GINS2: variants seen among roughly 807,000 people sequenced by gnomAD.
GINS2 encodes the protein DNA replication complex GINS protein PSF2.
A neutral mutation model predicts 21.2 loss-of-function variants in GINS2; 23 were observed. The observed-to-expected ratio is 1.08, with a 90% CI of 0.78 to 1.53. The LOEUF (loss-of-function observed/expected upper bound fraction) is 1.53, where lower values mean the gene tolerates loss of function less well. GINS2 is among the 40% of genes most tolerant of loss of function. The pLI, the probability that GINS2 is intolerant of heterozygous loss-of-function variation, is 0.00. For synonymous variants in GINS2, 118 were observed against 85.6 expected (o/e 1.38, Z -2.09); for missense variants, 323 against 233.9 (o/e 1.38, Z -2.49).
In GINS2 at chr16:85,677,532, GAGA is replaced by G. The variant is rs1351901174; in HGVS notation, c.*677_*679del. ...TTAAACCTGAGCTAGAAGTAGCCAAGAGAAGGAGACACCCCAGGTGTTGGTCTG... is the reference window on the plus strand; with the variant it reads ...TTAAACCTGAGCTAGAAGTAGCCAAGAGGAGACACCCCAGGTGTTGGTCTG... On this transcript the variant is annotated 3_prime_UTR_variant, in exon 5 of 5. Coordinates refer to ENST00000253462, the MANE Select transcript of GINS2 (RefSeq NM_016095.3). 6.6e-6 allele frequency: 1 copy of G among 152,230 alleles called. No individual in the cohort carries two copies. The highest frequency in any genetic ancestry group is 1.5e-5 in the Non-Finnish European group (1 of 68,066). 9.4% of individuals were successfully genotyped at this position (152,230 alleles called of 1,614,324 possible).
chr16:85,685,685 A>AAAAAAAAAAAAAAACAAAAAAC (rs56405044), intron 2 of GINS2, among the ~76,000 whole-genome samples: 3 of 120,900 alleles, frequency 2.5e-5, no homozygotes, highest in African/African-American at 5.3e-5. Flanking sequence ...AAAAAAAAAA[A>AAAAAAAAAAAAAAACAAAAAAC]AAAAAACCGT....
intron 2 of GINS2, among the ~76,000 whole-genome samples, chr16:85,686,151 C>T (rs950351482): frequency 7.9e-5 from 12 of 152,098 alleles, no homozygotes; most frequent in African/African-American, 2.9e-4. Context: ...ATATATCATA[C>T]AATTCAGCCA....
At chr16:85,683,068 C>T (rs922000236) in intron 2 of GINS2, among the ~76,000 whole-genome samples, 2 of 152,024 alleles carry the variant, frequency 1.3e-5, no homozygotes, top group African/African-American at 4.8e-5. Flanking sequence ...TGTCCTGGAC[C>T]CTCCTCTCAC....
At chr16:85,686,775 T>C (rs899542164) in intron 2 of GINS2, among the ~76,000 whole-genome samples, 2 of 152,262 alleles carry the variant, frequency 1.3e-5, no homozygotes, top group Admixed American at 6.5e-5. Context: ...CATTCCTTTT[T>C]ATAGCTGAAT....
intron 3 of GINS2, among the ~76,000 whole-genome samples, 186 bp from the exon 4 acceptor site, chr16:85,678,852 T>C (rs1598757871): frequency 6.6e-6 from 1 of 152,222 alleles, no homozygotes; most frequent in African/African-American, 2.4e-5. Context: ...GTGATCCACA[T>C]GGAGTTTCTT....
rs377193253 is a variant in GINS2, at chr16:85,678,243, G to C, written c.527C>G (p.Pro176Arg). Residue 176 changes from proline to arginine, a missense_variant, in exon 5 of 5, where the codon CCT becomes CGT. Coordinates refer to ENST00000253462, the MANE Select transcript of GINS2 (RefSeq NM_016095.3). ...HMYKLRTNLQ[P>R]LESTQSQDF The stretch of plus-strand genomic sequence containing the variant: ...GTCCTGAGACTGAGTACTCTCCAGA[G>C]GCTGGAGGTTCGTGCGGAGTTTGTA... The C allele has an allele frequency of 1.2e-6, 2 of 1,613,212 alleles. No homozygotes were observed. Among genetic ancestry groups the C allele is most frequent in the South Asian group, 1.1e-5 (1 of 91,052 alleles).
At chr16:85,684,022 G>C (rs1259984890) in intron 2 of GINS2, among the ~76,000 whole-genome samples, 1 of 152,170 alleles carries the variant, frequency 6.6e-6, no homozygotes, top group Admixed American at 6.5e-5. Flanking sequence ...TCCATGAAAA[G>C]ACGTGGACAA....
chr16:85,678,288 G>A lies in GINS2; in HGVS notation c.482C>T (p.Thr161Ile), dbSNP rs769926980. Reference protein sequence around the residue: ...MEINTSGTFLTQALNHMYKLR... With the variant: ...MEINTSGTFLIQALNHMYKLR... The stretch of plus-strand genomic sequence containing the variant: ...TTTGTACATGTGGTTGAGCGCTTGT[G>A]TGAGGAAAGTCCCGCTGGTGTTGAT... The change falls in exon 5 of 5, where the codon ACA becomes ATA. Residue 161 changes from threonine (T) to isoleucine (I), a missense_variant. Transcript: ENST00000253462. 1.2e-6 allele frequency: 2 copies of A among 1,612,782 alleles called. No homozygotes were observed. The highest frequency in any genetic ancestry group is 2.2e-5 in the East Asian group (1 of 44,876).
At chr16:85,680,160 G>T (rs1264687716) in intron 3 of GINS2, among the ~76,000 whole-genome samples, 2 of 152,188 alleles carry the variant, frequency 1.3e-5, no homozygotes, top group Non-Finnish European at 2.9e-5. Flanking sequence ...ACCACACCAG[G>T]AAGCAGGCCT....
rs1410955151 is a variant in GINS2 at position 85,676,407 on chromosome 16, T to G, written c.*1805A>C. ...AGGAGGATTCCAAGGAAGGCTGAGA[T>G]GAAAGAACAAGTCCTATGAGCTGAA... is the stretch of plus-strand genomic sequence containing the variant. On this transcript the variant is annotated 3_prime_UTR_variant, in exon 5 of 5. Coordinates refer to ENST00000253462, the MANE Select transcript of GINS2 (RefSeq NM_016095.3). 1 of 152,220 alleles carries G rather than the reference T, an allele frequency of 6.6e-6. No individual in the cohort carries two copies. Among genetic ancestry groups the G allele is most frequent in the Admixed American group, 6.5e-5 (1 of 15,282 alleles). The allele number at this position is 152,220 out of a possible 1,614,324, so 9.4% of individuals were successfully genotyped here.
At chr16:85,678,712 T>A (rs775623230) in intron 3 of GINS2, 46 bp from the exon 4 acceptor site, 3 of 1,591,230 alleles carry the variant, frequency 1.9e-6, no homozygotes, top group Non-Finnish European at 2.6e-6. Flanking sequence ...CTTGATAACC[T>A]GAGGCAATGC....
rs1598756804 is a variant in GINS2, at chr16:85,677,849, C to T, written c.*363G>A. 5.4e-6 allele frequency: 1 copy of T among 186,186 alleles called. No homozygotes were observed. The highest frequency in any genetic ancestry group is 1.5e-4 in the East Asian group (1 of 6,470). The allele number at this position is 186,186 out of a possible 1,614,324, so 11.5% of individuals were successfully genotyped here. A position where few individuals can be genotyped will look rare whatever the true frequency, so the allele number is the denominator to read the frequency against. Reference sequence around the variant, plus strand: ...AAAGCCGTGGACCACATGGCCACTCCTGCTGTATCTACACCTACCAGTCAC... The same window carrying T: ...AAAGCCGTGGACCACATGGCCACTCTTGCTGTATCTACACCTACCAGTCAC... On this transcript the variant is annotated 3_prime_UTR_variant, in exon 5 of 5. Transcript: ENST00000253462.
In GINS2 at chr16:85,688,906, C is replaced by A; in HGVS notation, c.-8G>T. 2 of 1,532,350 alleles carry A rather than the reference C, an allele frequency of 1.3e-6. No individual in the cohort carries two copies. The highest frequency in any genetic ancestry group is 1.2e-5 in the South Asian group (1 of 82,438). 94.9% of individuals were successfully genotyped at this position (1,532,350 alleles called of 1,614,324 possible). A position where few individuals can be genotyped will look rare whatever the true frequency, so the allele number is the denominator to read the frequency against. ...GACCTCGGCAGCGTCCATGGCGGCG[C>A]GAGCTGCAGGCCAGAGCCTCACGGT... On this transcript the variant is annotated 5_prime_UTR_variant, in exon 1 of 5. Coordinates refer to ENST00000253462, the MANE Select transcript of GINS2 (RefSeq NM_016095.3).
chr16:85,681,542 C>T (rs751686556), intron 3 of GINS2, 40 bp downstream of exon 3: 13 of 1,166,036 alleles, frequency 1.1e-5, no homozygotes, highest in Admixed American at 3.5e-5. Context: ...ATGGCGAGTC[C>T]AGTCTTGGGT....
chr16:85,676,420 C>T lies in GINS2; in HGVS notation c.*1792G>A, dbSNP rs997479032. 1.3e-5 allele frequency: 2 copies of T among 152,176 alleles called. No individual in the cohort carries two copies. Among genetic ancestry groups the T allele is most frequent in the Admixed American group, 6.6e-5 (1 of 15,264 alleles). The allele number at this position is 152,176 out of a possible 1,614,324, so 9.4% of individuals were successfully genotyped here. ...GGAAGGCTGAGATGAAAGAACAAGTCCTATGAGCTGAACCAAGTCTGAACA... is the reference window on the plus strand; with the variant it reads ...GGAAGGCTGAGATGAAAGAACAAGTTCTATGAGCTGAACCAAGTCTGAACA... On this transcript the variant is annotated 3_prime_UTR_variant, in exon 5 of 5. Coordinates refer to ENST00000253462, the MANE Select transcript of GINS2 (RefSeq NM_016095.3).
At chr16:85,682,675 G>A (rs943802061) in intron 2 of GINS2, among the ~76,000 whole-genome samples, 30 of 152,136 alleles carry the variant, frequency 2.0e-4, no homozygotes, top group Non-Finnish European at 3.4e-4. Context: ...AAAGCCCAGC[G>A]TCTAGAATCA....
At position 85,681,599 on chromosome 16, in the gene GINS2, C is replaced by A. The variant is rs370361738; in HGVS notation, c.288G>T (p.Thr96=). 88 of 1,603,084 alleles carry A rather than the reference C, an allele frequency of 5.5e-5. No individual in the cohort carries two copies. Among genetic ancestry groups the A allele is most frequent in the Non-Finnish European group, 7.2e-5 (84 of 1,170,334 alleles). ...CTACTTACTGATTTAACAGGAGCTT[C>A]GTAAGTTCCATGTAGTAAGGGCTGG... ...PMPSPYYMEL[T]KLLLNHASDN... is the part of the protein sequence containing the mutation. Residue 96 remains threonine (T), a synonymous_variant, in exon 3 of 5, where the codon ACG becomes ACT. Coordinates refer to ENST00000253462, the MANE Select transcript of GINS2 (RefSeq NM_016095.3).
chr16:85,684,044 A>G (rs1384674608), intron 2 of GINS2, among the ~76,000 whole-genome samples: 3 of 152,254 alleles, frequency 2.0e-5, no homozygotes, highest in Admixed American at 2.0e-4. Flanking sequence ...AATATTCACA[A>G]AAGCCTTATT....
intron 2 of GINS2, among the ~76,000 whole-genome samples, chr16:85,685,218 G>C (rs994124323): frequency 2.6e-5 from 4 of 152,164 alleles, no homozygotes; most frequent in African/African-American, 9.7e-5. Flanking sequence ...AAAGTTCAAG[G>C]GGAACTCTCC....
Sources: allele counts gnomAD v4.1 joint callset (sites outside exome capture counted in the v4.1 genomes callset), GRCh38; gene constraint gnomAD v4.1.1; transcripts MANE v1.5; gene names NCBI Gene and HGNC (gene_info 2026-07-23, HGNC 2026-07-21).